The following ZNF182 variants were observed in gnomAD, a reference collection of about 807,000 sequenced individuals.
ZNF182 encodes zinc finger protein 21 (KOX 14).
ZNF182 carries 10 observed loss-of-function variants against 28.1 expected under a neutral mutation model. That is an observed-to-expected ratio of 0.36 (90% confidence interval 0.22 to 0.60). The LOEUF is 0.60. Ranked by LOEUF, ZNF182 falls within the 20% of genes least tolerant of loss-of-function variation. The pLI is 0.75. For synonymous variants in ZNF182, 156 were observed against 158.7 expected (o/e 0.98, Z 0.13); for missense variants, 352 against 453.2 (o/e 0.78, Z 2.03).
At chrX:47,991,880 G>A (rs2058943029) in intron 3 of ZNF182, among the ~76,000 whole-genome samples, 1 of 111,292 alleles carries the variant, frequency 9.0e-6, no homozygotes, top group Non-Finnish European at 1.9e-5. Context: ...ATCAGCAGGA[G>A]TCCTTCCAAC....
rs782065823 is a variant in ZNF182, at chrX:48,002,595, C to T, written c.15G>A (p.Gln5=). The T allele has an allele frequency of 4.1e-6, 5 of 1,211,169 alleles. No individual in the cohort carries two copies. The Admixed American group carries it at 1.1e-4, about 26-fold the overall frequency. Residue 5 remains glutamine (Q), a splice_region_variant and synonymous_variant, in exon 3 of 6, where the codon CAG becomes CAA. Transcript: ENST00000376943. ...ATGAAGAAACAGACAACATACTTAC[C>T]TGGGGTTTGGCCATTTCCTGCTCTT... MAKP[Q]GLVTFEDVAV...
chrX:47,983,863 G>A (rs1232267366), intron 3 of ZNF182, among the ~76,000 whole-genome samples: 4 of 111,780 alleles, frequency 3.6e-5, no homozygotes, highest in African/African-American at 1.3e-4. Context: ...CCAATTAAGT[G>A]TCTATAAAAT....
At chrX:47,979,754 CTG>C (rs1427674141) in intron 5 of ZNF182, among the ~76,000 whole-genome samples, 3 of 110,842 alleles carry the variant, frequency 2.7e-5, no homozygotes, top group African/African-American at 9.9e-5. Context: ...GTGAATAAAA[CTG>C]TGCATACACT....
chrX:47,976,042 T>C lies in ZNF182; in HGVS notation c.*125A>G, dbSNP rs2058882083. The C allele has an allele frequency of 2.7e-6, 2 of 734,750 alleles. No individual in the cohort carries two copies. Among genetic ancestry groups the C allele is most frequent in the South Asian group, 8.2e-5 (2 of 24,281 alleles). The allele number at this position is 734,750 out of a possible 1,213,427, so 60.6% of individuals were successfully genotyped here. On this transcript the variant is annotated 3_prime_UTR_variant, in exon 6 of 6. Transcript: ENST00000376943. Reference sequence around the variant, plus strand: ...CGTAGCTTTTGGGTTATGACTGAGATGAAAAGAAGAAAGGCTGAATTTACT... The same window carrying C: ...CGTAGCTTTTGGGTTATGACTGAGACGAAAAGAAGAAAGGCTGAATTTACT...
chrX:47,998,702 C>CA (rs1433814445), intron 3 of ZNF182, among the ~76,000 whole-genome samples: 3 of 110,404 alleles, frequency 2.7e-5, no homozygotes, highest in Non-Finnish European at 5.7e-5. Flanking sequence ...ACTAAAAATA[C>CA]AAAAAAATTA....
At position 47,976,195 on chromosome X, in the gene ZNF182, G is replaced by A. The variant is rs1465780415; in HGVS notation, c.1835C>T (p.Thr612Ile). ...AGKKAHGRGH[T>I]RKSKFMAH The stretch of plus-strand genomic sequence containing the variant: ...ATGTGCCATGAACTTTGACTTCCGA[G>A]TGTGGCCTCTTCCATGGGCTTTCTT... Residue 612 changes from threonine (T) to isoleucine (I), a missense_variant, in exon 6 of 6, where the codon ACT becomes ATT. Coordinates refer to ENST00000376943, the MANE Select transcript of ZNF182 (RefSeq NM_001007088.2). The A allele has an allele frequency of 8.6e-7, 1 of 1,160,900 alleles. No homozygotes were observed. Among genetic ancestry groups the A allele is most frequent in the Non-Finnish European group, 1.1e-6 (1 of 874,315 alleles).
rs2058888619 is a variant in ZNF182 at position 47,977,306 on chromosome X, GT to G, written c.723del (p.Lys241AsnfsTer102). The stretch of plus-strand genomic sequence containing the variant: ...TTTCCACATTCGGTACATCCAAAAG[GT>G]TTCTCTCCCGTATGAGTTCTCCAAT... ...IVHWRTHTGE[K>X]PFGCTECGKA... On this transcript the variant is annotated frameshift_variant, in exon 6 of 6. Transcript: ENST00000376943. LOFTEE classifies it high-confidence loss of function. 8.3e-7 allele frequency: 1 copy of G among 1,209,346 alleles called. No individual in the cohort carries two copies. Among genetic ancestry groups the G allele is most frequent in the Non-Finnish European group, 1.1e-6 (1 of 895,138 alleles).
intron 5 of ZNF182, among the ~76,000 whole-genome samples, chrX:47,979,866 G>GGGGTGTGT (rs372734413): frequency 1.1e-5 from 1 of 89,759 alleles, no homozygotes. Flanking sequence ...GTGTGTGTGG[G>GGGGTGTGT]GTGTGTGTGT....
chrX:47,984,683 T>C (rs1556899598), intron 3 of ZNF182, among the ~76,000 whole-genome samples: 2 of 112,013 alleles, frequency 1.8e-5, no homozygotes, highest in Non-Finnish European at 3.8e-5. Context: ...ATTTCTTAGA[T>C]GTGACACCAA....
chrX:47,979,863 T>G (rs970718210), intron 5 of ZNF182, among the ~76,000 whole-genome samples: 3 of 69,526 alleles, frequency 4.3e-5, no homozygotes, highest in Non-Finnish European at 5.6e-5. Context: ...AAAGTGTGTG[T>G]GGGGTGTGTG....
At chrX:47,996,310 A>T (rs1190227199) in intron 3 of ZNF182, among the ~76,000 whole-genome samples, 1 of 111,292 alleles carries the variant, frequency 9.0e-6, no homozygotes, top group African/African-American at 3.3e-5. Context: ...ATGTTGTGTA[A>T]ACTTAAATAT....
chrX:47,985,539 A>G (rs1556899694), intron 3 of ZNF182, among the ~76,000 whole-genome samples: 1 of 111,405 alleles, frequency 9.0e-6, no homozygotes, highest in African/African-American at 3.3e-5. Flanking sequence ...CTGAGACCTT[A>G]CCCTATGCAT....
At chrX:47,988,616 G>A in intron 3 of ZNF182, 3 of 400,708 alleles carry the variant, frequency 7.5e-6, no homozygotes, top group Non-Finnish European at 1.3e-5. Context: ...CAGCTTGCAG[G>A]ACTGTGAGCC....
At chrX:47,989,567 G>A (rs1447050465) in intron 3 of ZNF182, among the ~76,000 whole-genome samples, 7 of 111,960 alleles carry the variant, frequency 6.3e-5, no homozygotes, top group African/African-American at 1.6e-4. Flanking sequence ...TCTACAATAC[G>A]GATGGCCTAT....
At chrX:48,003,857 A>T (rs2058988125) in intron 1 of ZNF182, 52 bp downstream of exon 1, 1 of 108,483 alleles carries the variant, frequency 9.2e-6, no homozygotes, top group Non-Finnish European at 1.9e-5. Context: ...CATCCCACAG[A>T]ACTCCCCATC....
intron 3 of ZNF182, among the ~76,000 whole-genome samples, chrX:48,001,472 A>G (rs2058978313): frequency 8.9e-6 from 1 of 112,049 alleles, no homozygotes; most frequent in Non-Finnish European, 1.9e-5. Flanking sequence ...TTTCTATTAC[A>G]TTCCTGAAAT....
chrX:47,999,831 T>G lies in ZNF182; in HGVS notation c.15+2764A>C, dbSNP rs192810154. Reference sequence around the variant, plus strand: ...ATACCCCATAAATATGTATAATTATTATGTGTCAATTTAAAATAATAAGGC... The same window carrying G: ...ATACCCCATAAATATGTATAATTATGATGTGTCAATTTAAAATAATAAGGC... On this transcript the variant is annotated intron_variant, in intron 3 of 5. Coordinates refer to ENST00000376943, the MANE Select transcript of ZNF182 (RefSeq NM_001007088.2). 1.2e-4 allele frequency among the ~76,000 whole-genome samples: 14 copies of G among 112,520 alleles called. No homozygotes were observed. The East Asian group carries it at 2.5e-3, about 20-fold the overall frequency.
intron 5 of ZNF182, among the ~76,000 whole-genome samples, chrX:47,978,646 C>A (rs782265515): frequency 3.5e-4 from 39 of 112,535 alleles, no homozygotes; most frequent in African/African-American, 1.3e-3. Flanking sequence ...ACTAAAACCT[C>A]TGCCTATTCT....
intron 3 of ZNF182, among the ~76,000 whole-genome samples, chrX:47,988,840 A>G (rs1300055712): frequency 9.0e-6 from 1 of 111,721 alleles, no homozygotes; most frequent in Non-Finnish European, 1.9e-5. Flanking sequence ...ATTATAAATA[A>G]ATAAAGGAGA....
Sources: gnomAD v4.1 joint callset for allele counts (sites outside exome capture counted in the v4.1 genomes callset) on GRCh38, gnomAD v4.1.1 for gene constraint, MANE v1.5 for transcripts, NCBI Gene and HGNC (gene_info 2026-07-23, HGNC 2026-07-21) for gene names.